The following PDE4D variants were observed in gnomAD, a reference collection of about 807,000 sequenced individuals.
PDE4D encodes phosphodiesterase 4D.
Under a neutral mutation model 87.4 loss-of-function variants are expected in PDE4D, and 24 were observed. That is an observed-to-expected ratio of 0.27 (90% CI 0.20 to 0.39). The LOEUF is 0.39. PDE4D is among the 10% of genes least tolerant of loss of function. PDE4D has a pLI of 1.00. For missense variants in PDE4D, 714 were observed against 1,041.0 expected, an observed-to-expected ratio of 0.69 and a Z score of 4.32; for synonymous variants, 384 against 383.2, an observed-to-expected ratio of 1.00 and a Z score of -0.02.
chr5:60,228,124 C>T lies in PDE4D; in HGVS notation c.-89-42437G>A, dbSNP rs1214105529. On this transcript the variant is annotated intron_variant, in intron 1 of 16. Transcript: ENST00000502484. ...CATCTCTTTCTCAGGGAATATTATC[C>T]TGACTTCCCTTTCCTAATATTCATG... Among the ~76,000 whole-genome samples the T allele has an allele frequency of 2.0e-5, 3 of 152,054 alleles. No homozygotes were observed. In the East Asian group the frequency reaches 5.8e-4, roughly 29 times the overall value.
chr5:58,982,188 A>G lies in PDE4D; in HGVS notation c.1553-4843T>C, dbSNP rs374420910. On this transcript the variant is annotated intron_variant, in intron 11 of 14. Coordinates refer to ENST00000340635, the MANE Select transcript of PDE4D (RefSeq NM_001104631.2). ...GTCGTAACAGTCCCATTTCTATCCA[A>G]TGATTCCTGGACCCATGAATTCTGG... Among the ~76,000 whole-genome samples the G allele has an allele frequency of 3.2e-4, 48 of 152,240 alleles. No homozygotes were observed. In the South Asian group the frequency reaches 3.3e-3, roughly 11 times the overall value.
At chr5:60,315,684 C>T (rs1382767045) in intron 1 of PDE4D, among the ~76,000 whole-genome samples, 4 of 152,214 alleles carry the variant, frequency 2.6e-5, no homozygotes, top group Non-Finnish European at 5.9e-5. Flanking sequence ...GGAAGGGATC[C>T]AGTTTCAGCT....
intron 5 of PDE4D, among the ~76,000 whole-genome samples, chr5:59,073,686 A>C (rs1315120371): frequency 6.6e-6 from 1 of 152,206 alleles, no homozygotes. Context: ...TCCCAGGACC[A>C]GGATGAACCA....
rs575705163 is a variant in PDE4D at position 59,864,147 on chromosome 5, G to A, written c.455+29021C>T. Among the ~76,000 whole-genome samples the A allele has an allele frequency of 8.5e-5, 13 of 152,274 alleles. No homozygotes were observed. In the South Asian group the frequency reaches 1.4e-3, roughly 17 times the overall value. On this transcript the variant is annotated intron_variant, in intron 1 of 14. Transcript: ENST00000340635. The stretch of plus-strand genomic sequence containing the variant: ...GCAGTGCAGTCATGGGCATTAGTGC[G>A]ATGTGCGGGTAGACATTCTCCTTAG...
chr5:59,038,030 G>A (rs578202535), intron 6 of PDE4D, among the ~76,000 whole-genome samples: 6 of 152,224 alleles, frequency 3.9e-5, no homozygotes, highest in Non-Finnish European at 7.4e-5. Flanking sequence ...GACATGCACA[G>A]GCAAATAGCC....
intron 2 of PDE4D, among the ~76,000 whole-genome samples, chr5:60,051,451 G>A (rs1770143621): frequency 6.6e-6 from 1 of 152,122 alleles, no homozygotes; most frequent in Admixed American, 6.6e-5. Context: ...GGTAAATAAT[G>A]AAATTAAGGT....
At chr5:59,679,347 CTAAATT>C (rs1269414204) in intron 1 of PDE4D, among the ~76,000 whole-genome samples, 7 of 152,138 alleles carry the variant, frequency 4.6e-5, no homozygotes, top group Admixed American at 4.6e-4. Context: ...CAAAACTCTT[CTAAATT>C]TATTTTATTT....
At chr5:59,694,930 G>T (rs1751529651) in intron 1 of PDE4D, among the ~76,000 whole-genome samples, 1 of 152,102 alleles carries the variant, frequency 6.6e-6, no homozygotes, top group African/African-American at 2.4e-5. Context: ...AATTCACACA[G>T]TAACTACTCA....
In PDE4D at chr5:59,029,416, CA is replaced by C. The variant is rs34120574; in HGVS notation, c.921+9442del. ...TGGGCAACAGAGCGAGACTCCATCACAAAAAAAAAAAAAAAAAAAAACTTAG... is the reference window on the plus strand; with the variant it reads ...TGGGCAACAGAGCGAGACTCCATCACAAAAAAAAAAAAAAAAAAAACTTAG... On this transcript the variant is annotated intron_variant, in intron 6 of 14. Coordinates refer to ENST00000340635, the MANE Select transcript of PDE4D (RefSeq NM_001104631.2). Among the ~76,000 whole-genome samples, 472 of 87,002 alleles carry C rather than the reference CA, an allele frequency of 5.4e-3. 3 individuals carry two copies. Among genetic ancestry groups the C allele is most frequent in the Non-Finnish European group, 7.7e-3 (375 of 48,914 alleles). 57.1% of individuals were successfully genotyped at this position (87,002 alleles called of 152,430 possible). A position where few individuals can be genotyped will look rare whatever the true frequency, so the allele number is the denominator to read the frequency against.
intron 1 of PDE4D, among the ~76,000 whole-genome samples, chr5:59,555,550 C>A (rs1183369546): frequency 6.6e-6 from 1 of 152,098 alleles, no homozygotes; most frequent in African/African-American, 2.4e-5. Flanking sequence ...AAAGGTAAAT[C>A]TGTTTGTGGA....
chr5:59,253,976 A>C, intron 1 of PDE4D, among the ~76,000 whole-genome samples: 1 of 152,138 alleles, frequency 6.6e-6, no homozygotes, highest in Non-Finnish European at 1.5e-5. Context: ...AATTTAACCA[A>C]AGGCAGAAAT....
intron 1 of PDE4D, among the ~76,000 whole-genome samples, chr5:60,208,793 AC>A (rs1742843664): frequency 1.3e-5 from 2 of 152,352 alleles, no homozygotes; most frequent in Admixed American, 1.3e-4. Flanking sequence ...TAGCAATGGC[AC>A]CAGGCTGCCC....
rs552568564 is a variant in PDE4D, at chr5:59,590,708, G to GT, written c.455+302459dup. On this transcript the variant is annotated intron_variant, in intron 1 of 14. Coordinates refer to ENST00000340635, the MANE Select transcript of PDE4D (RefSeq NM_001104631.2). ...AGACTGGTTTGTTGTTTTGTTTTGTGTTTTTTTTTAAATTTTAATCCCACA... is the reference window on the plus strand; with the variant it reads ...AGACTGGTTTGTTGTTTTGTTTTGTGTTTTTTTTTTAAATTTTAATCCCACA... 7.2e-4 allele frequency among the ~76,000 whole-genome samples: 108 copies of GT among 151,006 alleles called. 1 individual carries two copies. Among genetic ancestry groups the GT allele is most frequent in the South Asian group, 5.7e-3 (27 of 4,764 alleles).
intron 1 of PDE4D, among the ~76,000 whole-genome samples, chr5:59,876,200 C>T (rs1405646615): frequency 6.6e-6 from 1 of 152,108 alleles, no homozygotes; most frequent in Non-Finnish European, 1.5e-5. Flanking sequence ...GGTATATTTT[C>T]CACGGTCTGT....
At chr5:60,506,373 AAAG>A (rs1750323544) in intron 1 of PDE4D, among the ~76,000 whole-genome samples, 1 of 152,256 alleles carries the variant, frequency 6.6e-6, no homozygotes, top group African/African-American at 2.4e-5. Context: ...GAAATCCCAA[AAAG>A]AATACATACT....
intron 2 of PDE4D, among the ~76,000 whole-genome samples, chr5:60,078,579 T>G (rs1164431310): frequency 2.6e-5 from 4 of 152,168 alleles, no homozygotes; most frequent in African/African-American, 9.7e-5. Flanking sequence ...TGTTGTTCCC[T>G]CTCTGTGTCC....
At chr5:59,794,084 GACACAGACATAC>G (rs1191998070) in intron 1 of PDE4D, among the ~76,000 whole-genome samples, 7 of 149,546 alleles carry the variant, frequency 4.7e-5, no homozygotes, top group Non-Finnish European at 1.0e-4. Context: ...TACAGACATG[GACACAGACATAC>G]ACACAGACAT....
intron 1 of PDE4D, among the ~76,000 whole-genome samples, chr5:59,574,664 C>T (rs765894644): frequency 6.6e-6 from 1 of 152,058 alleles, no homozygotes; most frequent in Non-Finnish European, 1.5e-5. Context: ...CTGTCACTTC[C>T]TCTTCCTACC....
At chr5:59,041,691 A>C (rs1759714278) in intron 5 of PDE4D, among the ~76,000 whole-genome samples, 1 of 152,108 alleles carries the variant, frequency 6.6e-6, no homozygotes, top group African/African-American at 2.4e-5. Context: ...CAACTTTCTC[A>C]AAGCCTGAGC....
Sources: gnomAD v4.1 joint callset for allele counts (sites outside exome capture counted in the v4.1 genomes callset) on GRCh38, gnomAD v4.1.1 for gene constraint, MANE v1.5 for transcripts, NCBI Gene and HGNC (gene_info 2026-07-23, HGNC 2026-07-21) for gene names.